TRDN: variants seen among roughly 807,000 people sequenced by gnomAD.
TRDN encodes triadin in skeletal muscle.
A neutral mutation model predicts 149.7 loss-of-function variants in TRDN; 161 were observed. The observed-to-expected ratio is 1.08, with a 90% CI of 0.95 to 1.23. The LOEUF (loss-of-function observed/expected upper bound fraction) is 1.23. Among genes scored for constraint, TRDN ranks in the 50% most tolerant of loss-of-function variants. The pLI, the probability that TRDN is intolerant of heterozygous loss-of-function variation, is 0.00. For missense variants in TRDN, 896 were observed against 823.5 expected, an observed-to-expected ratio of 1.09 and a Z score of -1.08; for synonymous variants, 294 against 250.5, an observed-to-expected ratio of 1.17 and a Z score of -1.64.
chr6:123,299,000 G>A (rs1778308499), intron 24 of TRDN, among the ~76,000 whole-genome samples: 1 of 152,032 alleles, frequency 6.6e-6, no homozygotes, highest in African/African-American at 2.4e-5. Context: ...CTATTGGATA[G>A]TTTTGGTCTG....
chr6:123,497,088 T>A (rs1778481023), intron 9 of TRDN, 105 bp downstream of exon 9: 1 of 801,026 alleles, frequency 1.2e-6, no homozygotes, highest in South Asian at 2.1e-5. Flanking sequence ...ACACATGCAT[T>A]ATGCAATTTT....
intron 4 of TRDN, among the ~76,000 whole-genome samples, chr6:123,543,309 T>G (rs1256300627): frequency 6.6e-6 from 1 of 152,206 alleles, no homozygotes; most frequent in Non-Finnish European, 1.5e-5. Flanking sequence ...CATTAGTCTT[T>G]GGGAATGTGG....
chr6:123,350,109 A>G lies in TRDN; in HGVS notation c.1369+2430T>C, dbSNP rs1481591450. On this transcript the variant is annotated intron_variant, in intron 21 of 40. Transcript: ENST00000334268. ...CAGGCTCCAACTTTATACTTAATAA[A>G]ATGTTTACTAACTGTGTTAAAATTT... is the stretch of plus-strand genomic sequence containing the variant. The G allele has an allele frequency of 3.1e-6, 3 of 973,516 alleles. No homozygotes were observed. In the African/African-American group the frequency reaches 5.3e-5, roughly 17 times the overall value. 60.3% of individuals were successfully genotyped at this position (973,516 alleles called of 1,614,324 possible).
chr6:123,510,651 TTTTTTTTTTA>T (rs1314186842), intron 7 of TRDN, among the ~76,000 whole-genome samples: 1 of 151,834 alleles, frequency 6.6e-6, no homozygotes, highest in Non-Finnish European at 1.5e-5. Context: ...ACTTTTTTTT[TTTTTTTTTTA>T]TTTAGACAGT....
At chr6:123,522,246 C>A (rs1284506434) in intron 5 of TRDN, among the ~76,000 whole-genome samples, 2 of 152,096 alleles carry the variant, frequency 1.3e-5, no homozygotes, top group Non-Finnish European at 2.9e-5. Flanking sequence ...TGTCTAGGAG[C>A]CTTCTTGGAA....
At chr6:123,369,779 A>G (rs947701990) in intron 19 of TRDN, among the ~76,000 whole-genome samples, 4 of 151,784 alleles carry the variant, frequency 2.6e-5, no homozygotes, top group Non-Finnish European at 4.4e-5. Context: ...TTTAGTACCA[A>G]TCCTTCCATA....
At chr6:123,250,449 G>T (rs1440424826) in intron 38 of TRDN, among the ~76,000 whole-genome samples, 2 of 151,952 alleles carry the variant, frequency 1.3e-5, no homozygotes, top group Admixed American at 6.6e-5. Flanking sequence ...TTCGGAAAAA[G>T]AATGATACTT....
intron 12 of TRDN, among the ~76,000 whole-genome samples, chr6:123,414,214 T>C (rs1467540300): frequency 1.3e-5 from 2 of 152,092 alleles, no homozygotes; most frequent in African/African-American, 4.8e-5. Flanking sequence ...TTCCGAAATA[T>C]TGATCAAGGT....
At chr6:123,483,002 T>C (rs1777812742) in intron 9 of TRDN, among the ~76,000 whole-genome samples, 1 of 151,606 alleles carries the variant, frequency 6.6e-6, no homozygotes, top group Non-Finnish European at 1.5e-5. Flanking sequence ...GAGAACACAG[T>C]GGTACAGATC....
intron 21 of TRDN, among the ~76,000 whole-genome samples, chr6:123,340,777 T>G (rs1268005700): frequency 1.3e-5 from 2 of 151,996 alleles, no homozygotes; most frequent in Non-Finnish European, 1.5e-5. Context: ...CTGGCAAGCT[T>G]TATCTGAAAG....
intron 38 of TRDN, among the ~76,000 whole-genome samples, chr6:123,225,768 G>A (rs1775335198): frequency 6.6e-6 from 1 of 151,652 alleles, no homozygotes; most frequent in Non-Finnish European, 1.5e-5. Context: ...CTCTTAAGTT[G>A]TATTGTGTAA....
At chr6:123,304,591 T>A (rs187643816) in intron 24 of TRDN, among the ~76,000 whole-genome samples, 1 of 152,306 alleles carries the variant, frequency 6.6e-6, no homozygotes, top group Non-Finnish European at 1.5e-5. Flanking sequence ...TGATTGCATA[T>A]TACTTATGCA....
At chr6:123,630,618 T>A (rs907761557) in intron 1 of TRDN, among the ~76,000 whole-genome samples, 1 of 151,922 alleles carries the variant, frequency 6.6e-6, no homozygotes, top group Non-Finnish European at 1.5e-5. Flanking sequence ...TAAGAAACAT[T>A]TAAGCTCATA....
chr6:123,560,784 C>T (rs944428564), intron 2 of TRDN, among the ~76,000 whole-genome samples: 50 of 152,162 alleles, frequency 3.3e-4, no homozygotes, highest in African/African-American at 1.1e-3. Context: ...CCCCTTCCAG[C>T]CTCACAGGCC....
In TRDN at chr6:123,529,216, C is replaced by G. The variant is rs1249963623; in HGVS notation, c.484+1290G>C. ...GGAACCAGTTGAGTTTCTGTTTAAC[C>G]TTCAGCAGATAGAAACACAGAGCCA... On this transcript the variant is annotated intron_variant, in intron 5 of 40. Coordinates refer to ENST00000334268, the MANE Select transcript of TRDN (RefSeq NM_006073.4). 1.9e-6 allele frequency: 3 copies of G among 1,548,280 alleles called. No homozygotes were observed. In the African/African-American group the frequency reaches 4.1e-5, roughly 21 times the overall value.
At chr6:123,402,106 A>T (rs1243643047) in intron 12 of TRDN, among the ~76,000 whole-genome samples, 1 of 152,186 alleles carries the variant, frequency 6.6e-6, no homozygotes, top group Non-Finnish European at 1.5e-5. Flanking sequence ...ATGAGAAGTA[A>T]AACACATGAA....
chr6:123,531,911 C>T (rs1252340361), intron 4 of TRDN, among the ~76,000 whole-genome samples: 1 of 151,998 alleles, frequency 6.6e-6, no homozygotes, highest in Non-Finnish European at 1.5e-5. Context: ...GCATTCCTAG[C>T]CTCTACCTTT....
chr6:123,225,095 T>C (rs1212605074), intron 38 of TRDN, among the ~76,000 whole-genome samples: 2 of 47,768 alleles, frequency 4.2e-5, no homozygotes, highest in African/African-American at 2.3e-4. Context: ...ACAGACACTT[T>C]TCCAAAGACA....
intron 1 of TRDN, among the ~76,000 whole-genome samples, chr6:123,626,893 TG>T (rs1348144977): frequency 5.4e-5 from 8 of 147,380 alleles, no homozygotes; most frequent in African/African-American, 1.1e-4. Flanking sequence ...CCTTATAAAA[TG>T]TTTTTTTTAA....
Sources: allele counts gnomAD v4.1 joint callset (sites outside exome capture counted in the v4.1 genomes callset), GRCh38; gene constraint gnomAD v4.1.1; transcripts MANE v1.5; gene names NCBI Gene and HGNC (gene_info 2026-07-23, HGNC 2026-07-21).